PDE4D: variants seen among roughly 807,000 people sequenced by gnomAD.
The protein encoded by PDE4D is 3',5'-cyclic-AMP phosphodiesterase 4D.
Under a neutral mutation model 87.4 loss-of-function variants are expected in PDE4D, and 24 were observed. That is an observed-to-expected ratio of 0.27 (90% CI 0.20 to 0.39). PDE4D has a LOEUF of 0.39. PDE4D is among the 10% of genes least tolerant of loss of function. The pLI, the probability that PDE4D is intolerant of heterozygous loss-of-function variation, is 1.00. For missense variants in PDE4D, 714 were observed against 1,041.0 expected (o/e 0.69, Z 4.32); for synonymous variants, 384 against 383.2 (o/e 1.00, Z -0.02).
At chr5:59,128,740 A>T (rs554550960) in intron 5 of PDE4D, among the ~76,000 whole-genome samples, 1 of 152,324 alleles carries the variant, frequency 6.6e-6, no homozygotes, top group South Asian at 2.1e-4. Flanking sequence ...TTGCTGAGTG[A>T]CCCATAGTAA....
At chr5:59,177,309 T>C (rs1353786483) in intron 5 of PDE4D, among the ~76,000 whole-genome samples, 1 of 152,216 alleles carries the variant, frequency 6.6e-6, no homozygotes, top group African/African-American at 2.4e-5. Flanking sequence ...AATAAATTTG[T>C]GTTGTCTATA....
chr5:59,424,720 A>G (rs1168462703), intron 1 of PDE4D, among the ~76,000 whole-genome samples: 1 of 152,134 alleles, frequency 6.6e-6, no homozygotes, highest in Admixed American at 6.5e-5. Context: ...GCATGTGGAG[A>G]TTAAGGGAAC....
At chr5:59,960,124 T>G (rs1195646128) in intron 3 of PDE4D, among the ~76,000 whole-genome samples, 1 of 151,982 alleles carries the variant, frequency 6.6e-6, no homozygotes, top group Non-Finnish European at 1.5e-5. Flanking sequence ...ATCAGAGAAA[T>G]GCAAATCAAA....
intron 5 of PDE4D, among the ~76,000 whole-genome samples, chr5:59,060,850 T>C (rs1763015756): frequency 6.6e-6 from 1 of 152,086 alleles, no homozygotes; most frequent in African/African-American, 2.4e-5. Context: ...GGAGCTTCCC[T>C]TAGGCTTCAG....
chr5:59,402,080 CT>C (rs1432890096), intron 1 of PDE4D, among the ~76,000 whole-genome samples: 1 of 152,166 alleles, frequency 6.6e-6, no homozygotes, highest in Non-Finnish European at 1.5e-5. Flanking sequence ...AGACAAGATT[CT>C]CCAGGCTATG....
At chr5:60,084,141 A>G (rs2096853885) in intron 2 of PDE4D, among the ~76,000 whole-genome samples, 2 of 152,236 alleles carry the variant, frequency 1.3e-5, no homozygotes, top group Non-Finnish European at 2.9e-5. Context: ...TAATATGCTA[A>G]GCAAAATAGA....
chr5:59,567,661 G>C (rs757184065), intron 1 of PDE4D, among the ~76,000 whole-genome samples: 3 of 152,088 alleles, frequency 2.0e-5, no homozygotes, highest in Non-Finnish European at 4.4e-5. Context: ...AAGGGTTTGA[G>C]AAAAATTCAG....
intron 1 of PDE4D, among the ~76,000 whole-genome samples, chr5:60,473,124 AAAGGAAGGAAGGAAGGAAGG>A (rs562842272): frequency 2.9e-3 from 233 of 81,398 alleles, no homozygotes; most frequent in East Asian, 0.028. Flanking sequence ...AGAGAGAAAG[AAAGGAAGGAAGGAAGGAAGG>A]AAGGAAGGAA....
At chr5:59,426,995 CTA>C (rs1307065377) in intron 1 of PDE4D, among the ~76,000 whole-genome samples, 2 of 123,858 alleles carry the variant, frequency 1.6e-5, no homozygotes, top group Non-Finnish European at 3.2e-5. Context: ...CAACTTGAAG[CTA>C]TACACACACA....
At chr5:59,156,443 A>T (rs1780239021) in intron 5 of PDE4D, among the ~76,000 whole-genome samples, 1 of 149,366 alleles carries the variant, frequency 6.7e-6, no homozygotes, top group Admixed American at 6.7e-5. Flanking sequence ...ATTATGTGGG[A>T]TTTCTCAGAA....
At chr5:59,474,638 T>C (rs1803008753) in intron 1 of PDE4D, among the ~76,000 whole-genome samples, 1 of 152,144 alleles carries the variant, frequency 6.6e-6, no homozygotes, top group Non-Finnish European at 1.5e-5. Flanking sequence ...CCAGGTTTAC[T>C]ACAATAAGTA....
At chr5:59,008,428 A>G (rs1363451455) in intron 6 of PDE4D, among the ~76,000 whole-genome samples, 1 of 152,078 alleles carries the variant, frequency 6.6e-6, no homozygotes, top group Non-Finnish European at 1.5e-5. Flanking sequence ...TTTTACACAT[A>G]TCACTTTAAT....
At chr5:59,687,168 C>A (rs1288817855) in intron 1 of PDE4D, among the ~76,000 whole-genome samples, 1 of 151,996 alleles carries the variant, frequency 6.6e-6, no homozygotes, top group Non-Finnish European at 1.5e-5. Context: ...TAACATATTC[C>A]AATGAATCAA....
chr5:59,828,218 G>A (rs1770553888), intron 1 of PDE4D, among the ~76,000 whole-genome samples: 1 of 151,846 alleles, frequency 6.6e-6, no homozygotes, highest in Non-Finnish European at 1.5e-5. Context: ...AAATGATCTA[G>A]AAATAGAGCA....
intron 3 of PDE4D, among the ~76,000 whole-genome samples, chr5:59,923,473 G>C (rs1254194160): frequency 2.0e-5 from 3 of 152,130 alleles, no homozygotes; most frequent in African/African-American, 7.2e-5. Context: ...AAGGGTGCTA[G>C]TGTCACCCCT....
chr5:60,337,156 T>C lies in PDE4D; in HGVS notation c.-90+150786A>G, dbSNP rs1200073693. Reference sequence around the variant, plus strand: ...CCGACATGGTGAACCCTGTCTCTACTGAAAATACAAAAAAAAAAAAAAAAA... The same window carrying C: ...CCGACATGGTGAACCCTGTCTCTACCGAAAATACAAAAAAAAAAAAAAAAA... On this transcript the variant is annotated intron_variant, in intron 1 of 16. Transcript: ENST00000502484. Among the ~76,000 whole-genome samples, 8 of 112,364 alleles carry C rather than the reference T, an allele frequency of 7.1e-5. No individual in the cohort carries two copies. The South Asian group carries it at 2.0e-3, about 28-fold the overall frequency. 73.7% of individuals were successfully genotyped at this position (112,364 alleles called of 152,430 possible). A position where few individuals can be genotyped will look rare whatever the true frequency, so the allele number is the denominator to read the frequency against.
chr5:59,859,411 A>G (rs763747708), intron 1 of PDE4D, among the ~76,000 whole-genome samples: 10 of 152,174 alleles, frequency 6.6e-5, no homozygotes, highest in Non-Finnish European at 1.0e-4. Flanking sequence ...TCTCCTGACA[A>G]GGAGTTCTTA....
chr5:60,463,471 A>G (rs1054721139), intron 1 of PDE4D, among the ~76,000 whole-genome samples: 2 of 152,144 alleles, frequency 1.3e-5, no homozygotes, highest in African/African-American at 4.8e-5. Flanking sequence ...CACACATCAC[A>G]ATTATCCTGG....
intron 5 of PDE4D, among the ~76,000 whole-genome samples, chr5:59,178,851 T>G (rs147596441): frequency 2.2e-4 from 34 of 152,110 alleles, no homozygotes; most frequent in African/African-American, 7.7e-4. Context: ...TTCCTCTTGA[T>G]AGGGGTCAGA....
Sources: allele counts gnomAD v4.1 joint callset (sites outside exome capture counted in the v4.1 genomes callset), GRCh38; gene constraint gnomAD v4.1.1; transcripts MANE v1.5; gene names NCBI Gene and HGNC (gene_info 2026-07-23, HGNC 2026-07-21).